SPTBN1: variants seen among roughly 807,000 people sequenced by gnomAD.
SPTBN1 encodes the protein spectrin beta chain, non-erythrocytic 1.
In SPTBN1, 32 loss-of-function variants were observed where a neutral mutation model predicts 266.4. That is an observed-to-expected ratio of 0.12 (90% CI 0.09 to 0.16). SPTBN1 has a LOEUF of 0.16. SPTBN1 is among the 10% of genes least tolerant of loss of function. The pLI is 1.00. For synonymous variants in SPTBN1, 1,336 were observed against 1,162.2 expected, an observed-to-expected ratio of 1.15 and a Z score of -3.04; for missense variants, 2,296 against 3,067.1, an observed-to-expected ratio of 0.75 and a Z score of 5.94.
rs775247950 is a variant in SPTBN1 at position 54,526,428 on chromosome 2, A to G, written c.10A>G (p.Thr4Ala). 2 of 1,614,160 alleles carry G rather than the reference A, an allele frequency of 1.2e-6. No individual in the cohort carries two copies. The highest frequency in any genetic ancestry group is 1.1e-5 in the South Asian group (1 of 91,076). MTTTVATDYDNIEI... is the reference protein window; with the variant it reads MTTAVATDYDNIEI... The stretch of plus-strand genomic sequence containing the variant: ...GCTGAGACAGTTCAAGATGACGACC[A>G]CAGTAGCCACAGACTATGACAACAT... Residue 4 changes from threonine (T) to alanine (A), a missense_variant, in exon 2 of 36, where the codon ACA (threonine) becomes GCA (alanine). By Grantham distance (58) the Thr-to-Ala change is moderately conservative (BLOSUM62 0). Around this residue, in one of 12 missense-constraint regions of SPTBN1, gnomAD observed 178 missense variants for 375.7 expected, o/e 0.47. Transcript: ENST00000356805.
chr2:54,643,870 C>T (rs957390084), intron 19 of SPTBN1, among the ~76,000 whole-genome samples: 1 of 152,024 alleles, frequency 6.6e-6, no homozygotes, highest in Admixed American at 6.6e-5. Context: ...GTAATCGCAG[C>T]TATTGGGGAG....
chr2:54,475,741 A>G (rs1027360089), intron 1 of SPTBN1, among the ~76,000 whole-genome samples: 9 of 152,244 alleles, frequency 5.9e-5, no homozygotes, highest in Non-Finnish European at 1.2e-4. Flanking sequence ...GTTTAGTGAA[A>G]AGAATACAGC....
intron 1 of SPTBN1, among the ~76,000 whole-genome samples, chr2:54,483,660 TG>T (rs1481228932): frequency 4.6e-5 from 7 of 152,168 alleles, no homozygotes; most frequent in Non-Finnish European, 1.5e-5. Flanking sequence ...CAAGTGTTCC[TG>T]GGCACAGGAA....
intron 2 of SPTBN1, among the ~76,000 whole-genome samples, chr2:54,588,738 G>C (rs1675470888): frequency 6.6e-6 from 1 of 152,186 alleles, no homozygotes; most frequent in South Asian, 2.1e-4. Flanking sequence ...GAGAGTAGCA[G>C]GTTAATGGGC....
At chr2:54,619,397 C>A (rs1016437184) in intron 7 of SPTBN1, among the ~76,000 whole-genome samples, 4 of 152,206 alleles carry the variant, frequency 2.6e-5, no homozygotes, top group African/African-American at 9.6e-5. Flanking sequence ...GTTCTTTGTG[C>A]TTTGATAAAG....
chr2:54,467,883 A>G (rs1178869349), intron 1 of SPTBN1, among the ~76,000 whole-genome samples: 1 of 152,212 alleles, frequency 6.6e-6, no homozygotes, highest in Admixed American at 6.5e-5. Context: ...AAAATACAAA[A>G]GTATTTTTAA....
Position 54,558,292 on chromosome 2 carries a change from T to TA in SPTBN1, c.148+31727dup. ...CTCGTGGTATAGCCTGCATTTCTAA[T>TA]ACAATGCTGTTATGCTAATCAGGTG... On this transcript the variant is annotated intron_variant, in intron 2 of 35. Coordinates refer to ENST00000356805, the MANE Select transcript of SPTBN1 (RefSeq NM_003128.3). The surrounding 1 kb of genome is among the most constrained non-coding windows in gnomAD (Gnocchi z 4.6). The TA allele has an allele frequency of 1.0e-6, 1 of 985,752 alleles. No individual in the cohort carries two copies. The highest frequency in any genetic ancestry group is 1.2e-6 in the Non-Finnish European group (1 of 830,250). 61.1% of individuals were successfully genotyped at this position (985,752 alleles called of 1,614,324 possible). A position where few individuals can be genotyped will look rare whatever the true frequency, so the allele number is the denominator to read the frequency against.
chr2:54,593,478 G>A (rs1295761320), intron 2 of SPTBN1, among the ~76,000 whole-genome samples: 1 of 152,128 alleles, frequency 6.6e-6, no homozygotes, highest in Non-Finnish European at 1.5e-5. Context: ...CGAGTCCTGG[G>A]TTGTGTTGGT....
chr2:54,632,890 C>A, intron 17 of SPTBN1, 122 bp downstream of exon 17: 1 of 1,055,332 alleles, frequency 9.5e-7, no homozygotes, highest in Non-Finnish European at 1.4e-6. Flanking sequence ...ATATGGGTGC[C>A]CAGCAGAAGT....
chr2:54,617,330 C>T (rs1677673642), intron 5 of SPTBN1, among the ~76,000 whole-genome samples: 1 of 152,144 alleles, frequency 6.6e-6, no homozygotes, highest in African/African-American at 2.4e-5. Context: ...GTCACTTTTT[C>T]CTAAGTAAGA....
chr2:54,659,205 C>T lies in SPTBN1; in HGVS notation c.6295C>T (p.Arg2099Trp), dbSNP rs778160145. The T allele has an allele frequency of 7.4e-6, 12 of 1,613,930 alleles. No individual in the cohort carries two copies. Among genetic ancestry groups the T allele is most frequent in the Admixed American group, 3.3e-5 (2 of 60,000 alleles). The part of the protein sequence containing the change: ...RQQEEEERKR[R>W]PPSPEPSTKV... ...GCAAGAGGAAGAGGAGAGGAAGAGG[C>T]GGCCGCCTTCTCCCGAGCCGAGCAC... The change falls in exon 31 of 36, where the codon CGG becomes TGG. Residue 2099 changes from arginine to tryptophan, a missense_variant. Physicochemically the swap from Arg to Trp is moderately radical, Grantham distance 101. Transcript: ENST00000356805.
intron 1 of SPTBN1, among the ~76,000 whole-genome samples, chr2:54,473,203 A>G (rs116300270): frequency 7.6e-4 from 116 of 152,340 alleles, no homozygotes; most frequent in African/African-American, 2.5e-3. Flanking sequence ...TGCCTTATAC[A>G]GAGATTTATA....
intron 1 of SPTBN1, among the ~76,000 whole-genome samples, chr2:54,468,939 A>G (rs573761071): frequency 1.3e-5 from 2 of 152,328 alleles, no homozygotes; most frequent in East Asian, 1.9e-4. Context: ...CTTGGTTTTA[A>G]GTGTAATAAA....
chr2:54,597,431 C>T (rs1676162046), intron 2 of SPTBN1, among the ~76,000 whole-genome samples: 1 of 152,232 alleles, frequency 6.6e-6, no homozygotes, highest in Non-Finnish European at 1.5e-5. Context: ...CTGTCTTTTT[C>T]TGCTTCCTCT....
At position 54,630,924 on chromosome 2, in the gene SPTBN1, C is replaced by T. The variant is rs375828827; in HGVS notation, c.2877C>T (p.Asn959=). 1 of 1,613,898 alleles carries T rather than the reference C, an allele frequency of 6.2e-7. No individual in the cohort carries two copies. Among genetic ancestry groups the T allele is most frequent in the East Asian group, 2.2e-5 (1 of 44,880 alleles). The change falls in exon 16 of 36, where the codon AAC becomes AAT. Residue 959 remains asparagine, a synonymous_variant. Coordinates refer to ENST00000356805, the MANE Select transcript of SPTBN1 (RefSeq NM_003128.3). The part of the protein sequence containing the change: ...DALLSALSIQ[N]YHLECNETKS... ...TCCTGTCTGCCCTGAGCATCCAGAA[C>T]TACCACCTCGAGTGCAATGAAACCA...
At chr2:54,660,114 C>T (rs748121897) in intron 32 of SPTBN1, 115 bp downstream of exon 32, 14 of 1,603,094 alleles carry the variant, frequency 8.7e-6, no homozygotes, top group South Asian at 1.1e-5. Flanking sequence ...CAAGAATCAC[C>T]CTTTCCAAAT....
intron 2 of SPTBN1, among the ~76,000 whole-genome samples, chr2:54,586,222 G>T (rs1033581394): frequency 1.3e-5 from 2 of 152,112 alleles, no homozygotes; most frequent in East Asian, 3.8e-4. Flanking sequence ...TGTGATTGTG[G>T]AGTTTGGCAC....
At chr2:54,597,237 T>TC (rs563639730) in intron 2 of SPTBN1, among the ~76,000 whole-genome samples, 44 of 152,200 alleles carry the variant, frequency 2.9e-4, no homozygotes, top group Non-Finnish European at 5.6e-4. Flanking sequence ...CCTTACATAT[T>TC]CTGCTCTAGA....
chr2:54,485,685 C>T (rs1573246196), intron 1 of SPTBN1, among the ~76,000 whole-genome samples: 1 of 152,006 alleles, frequency 6.6e-6, no homozygotes, highest in East Asian at 1.9e-4. Context: ...CTCTGCCTGG[C>T]TGCCCAGTCT....
Sources: gnomAD v4.1 joint callset for allele counts (sites outside exome capture counted in the v4.1 genomes callset) on GRCh38, gnomAD v4.1.1 for gene constraint, gnomAD v4.1.1 regional missense constraint, Gnocchi (gnomAD v3.1) non-coding constraint, MANE v1.5 for transcripts, NCBI Gene and HGNC (gene_info 2026-07-23, HGNC 2026-07-21) for gene names.